GRIP2: variants seen among roughly 807,000 people sequenced by gnomAD.
GRIP2 encodes glutamate receptor interacting protein 2.
Under a neutral mutation model 108.3 loss-of-function variants are expected in GRIP2, and 58 were observed. That is an observed-to-expected ratio of 0.54 (90% CI 0.43 to 0.67). GRIP2 has a LOEUF of 0.67. GRIP2 is among the 30% of genes least tolerant of loss of function. The pLI, the probability that GRIP2 is intolerant of heterozygous loss-of-function variation, is 0.00. For missense variants in GRIP2, 1,278 were observed against 1,430.6 expected (o/e 0.89, Z 1.72); for synonymous variants, 586 against 598.2 (o/e 0.98, Z 0.30).
intron 21 of GRIP2, among the ~76,000 whole-genome samples, chr3:14,498,456 C>T (rs901157122): frequency 6.6e-6 from 1 of 152,072 alleles, no homozygotes; most frequent in African/African-American, 2.4e-5. Context: ...GAGCAAGATC[C>T]TATCACTAAA....
chr3:14,562,712 TGAGGCAGACGGTCCTCGGACTCCC>T, the GRIP2 span, among the ~76,000 whole-genome samples: 81,667 of 150,956 alleles, frequency 0.54, 22,219 homozygotes, highest in African/African-American at 0.59. Flanking sequence ...GACAGAGGGA[TGAGGCAGACGGTCCTCGGACTCCC>T]GAGGCAGACG....
At chr3:14,540,515 G>A (rs1694943649), upstream of GRIP2, 3 of 1,179,670 alleles carry the variant, frequency 2.5e-6, no homozygotes, top group Non-Finnish European at 2.3e-6. This position sits in a 1 kb window ranked among gnomAD's most constrained non-coding sequence, Gnocchi z 4.1. Flanking sequence ...GGTCCAACAT[G>A]CCCCACCCCT....
At chr3:14,554,289 G>C (rs900926641) in intron 1 of GRIP2, among the ~76,000 whole-genome samples, 1 of 152,176 alleles carries the variant, frequency 6.6e-6, no homozygotes, top group Admixed American at 6.5e-5. Context: ...GCATCTCCAA[G>C]ATGCAGAGCC....
At chr3:14,563,330 T>C in the GRIP2 span, among the ~76,000 whole-genome samples, 1 of 152,170 alleles carries the variant, frequency 6.6e-6, no homozygotes, top group Non-Finnish European at 1.5e-5. Flanking sequence ...TATTTCTGTG[T>C]TATATGTGCC....
rs1574984882 is a variant in GRIP2 at position 14,494,903 on chromosome 3, A to G, written c.2910T>C (p.Thr970=). 1.2e-6 allele frequency: 2 copies of G among 1,613,948 alleles called. No homozygotes were observed. The highest frequency in any genetic ancestry group is 4.5e-5 in the East Asian group (2 of 44,864). The part of the protein sequence containing the change: ...GLLEKGVYVH[T]VRPDGPAHRG... The stretch of plus-strand genomic sequence containing the variant: ...GGTGGGCTGGCCCATCAGGGCGCAC[A>G]GTGTGGACATAGACACCTTTTTCCA... The change falls in exon 23 of 24, where the codon ACT becomes ACC. Residue 970 remains threonine, a synonymous_variant. Transcript: ENST00000621039.
upstream of GRIP2, among the ~76,000 whole-genome samples, chr3:14,557,281 A>G (rs780836080): frequency 6.6e-6 from 1 of 152,240 alleles, no homozygotes; most frequent in African/African-American, 2.4e-5. Context: ...CGAGGAAGTG[A>G]TTCCCTTCTC....
At chr3:14,588,371 C>T in the GRIP2 span, among the ~76,000 whole-genome samples, 2 of 151,614 alleles carry the variant, frequency 1.3e-5, no homozygotes, top group African/African-American at 4.8e-5. Context: ...ACCCTCTCTC[C>T]TTCTCTGGAC....
chr3:14,516,929 G>T, intron 11 of GRIP2, 135 bp downstream of exon 11: 1 of 804,188 alleles, frequency 1.2e-6, no homozygotes. Context: ...TTCCACTCAT[G>T]TTATTTAACA....
the GRIP2 span, among the ~76,000 whole-genome samples, chr3:14,583,014 T>C: frequency 1.3e-5 from 2 of 152,202 alleles, no homozygotes. Context: ...AGACACTGAC[T>C]ATGTGTTCAT....
the GRIP2 span, chr3:14,573,458 G>A: frequency 1.3e-6 from 2 of 1,524,664 alleles, no homozygotes; most frequent in Non-Finnish European, 1.8e-6. Context: ...ACAGGCGGTA[G>A]AACTGGTCAG....
chr3:14,599,965 G>A, the GRIP2 span, among the ~76,000 whole-genome samples: 1 of 152,096 alleles, frequency 6.6e-6, no homozygotes, highest in Admixed American at 6.5e-5. Context: ...TCTCTTCAAG[G>A]AAGATGACTG....
rs1161675119 is a variant in GRIP2 at position 14,527,415 on chromosome 3, C to A, written c.41-1484G>T. 7.9e-5 allele frequency among the ~76,000 whole-genome samples: 10 copies of A among 126,794 alleles called. No individual in the cohort carries two copies. In the East Asian group the frequency reaches 1.1e-3, roughly 14 times the overall value. 83.2% of individuals were successfully genotyped at this position (126,794 alleles called of 152,430 possible). A position where few individuals can be genotyped will look rare whatever the true frequency, so the allele number is the denominator to read the frequency against. On this transcript the variant is annotated intron_variant, in intron 1 of 23. Transcript: ENST00000621039. ...AAGAAAGGAAAGGAAAGAAGGAAAG[C>A]GAGGGGAGGGGAGGGGAGGGGAGGG...
chr3:14,540,538 T>A, upstream of GRIP2: 2 of 942,484 alleles, frequency 2.1e-6, no homozygotes, highest in Non-Finnish European at 3.1e-6. The surrounding 1 kb of genome is among the most constrained non-coding windows in gnomAD (Gnocchi z 4.1). Flanking sequence ...AGCCTGGGTC[T>A]GGACAGGGGG....
At chr3:14,545,109 C>T (rs535250297), upstream of GRIP2, among the ~76,000 whole-genome samples, 16 of 152,332 alleles carry the variant, frequency 1.1e-4, no homozygotes, top group Admixed American at 9.8e-4. Flanking sequence ...GCATGGCAGC[C>T]GTGTGGACAG....
intron 1 of GRIP2, among the ~76,000 whole-genome samples, chr3:14,537,274 C>T (rs1159152804): frequency 6.6e-6 from 1 of 152,222 alleles, no homozygotes; most frequent in African/African-American, 2.4e-5. Context: ...CCTTCGGGAA[C>T]TTGTAGAAAT....
intron 1 of GRIP2, among the ~76,000 whole-genome samples, chr3:14,529,060 G>C (rs35132773): frequency 0.18 from 27,691 of 150,996 alleles, 2,549 homozygotes; most frequent in African/African-American, 0.21. Flanking sequence ...CATGAGGTCA[G>C]GAGATCAAAA....
intron 9 of GRIP2, 121 bp downstream of exon 9, chr3:14,519,989 G>A (rs765520644): frequency 2.1e-6 from 2 of 968,536 alleles, no homozygotes; most frequent in Non-Finnish European, 3.0e-6. Flanking sequence ...CTGGGCAAAT[G>A]AGGATTTGTC....
rs1249253663 is a variant in GRIP2 at position 14,524,449 on chromosome 3, A to G, written c.347T>C (p.Leu116Pro). Residue 116 changes from leucine to proline, a missense_variant, in exon 4 of 24, where the codon CTC (leucine) becomes CCC (proline). Physicochemically the swap from Leu to Pro is moderately conservative, Grantham distance 98 (BLOSUM62 -3). Coordinates refer to ENST00000621039, the MANE Select transcript of GRIP2 (RefSeq NM_001080423.4). ...CACCACGCGCTCGCCCACATTCTTG[A>G]GCAGGGTGATGATCTCATCGTGGCG... ...RLRHDEIITL[L>P]KNVGERVVLE... 1 of 1,603,932 alleles carries G rather than the reference A, an allele frequency of 6.2e-7. No individual in the cohort carries two copies. Among genetic ancestry groups the G allele is most frequent in the Admixed American group, 1.7e-5 (1 of 58,732 alleles).
chr3:14,597,100 A>G, the GRIP2 span, among the ~76,000 whole-genome samples: 1 of 152,352 alleles, frequency 6.6e-6, no homozygotes, highest in Middle Eastern at 3.4e-3. Context: ...ATCCAGCAAA[A>G]GGGAACAGCA....
Sources: allele counts gnomAD v4.1 joint callset (sites outside exome capture counted in the v4.1 genomes callset), GRCh38; gene constraint gnomAD v4.1.1; non-coding constraint Gnocchi (gnomAD v3.1); transcripts MANE v1.5; gene names NCBI Gene and HGNC (gene_info 2026-07-23, HGNC 2026-07-21).